RYR3: variants seen among roughly 807,000 people sequenced by gnomAD.
The protein encoded by RYR3 is ryanodine receptor 3, also known as brain ryanodine receptor-calcium release channel.
In RYR3, 207 loss-of-function variants were observed where a neutral mutation model predicts 584.3. The ratio of observed to expected loss-of-function variants is 0.35; its 90% CI spans 0.32 to 0.40. RYR3 has a LOEUF of 0.40. Ranked by LOEUF, RYR3 falls within the 10% of genes least tolerant of loss-of-function variation. RYR3 has a pLI of 1.00. For synonymous variants in RYR3, 2,416 were observed against 2,248.5 expected (o/e 1.07, Z -2.11); for missense variants, 5,616 against 6,089.2 (o/e 0.92, Z 2.59).
At position 33,461,184 on chromosome 15, in the gene RYR3, C is replaced by T. The variant is rs530424138; in HGVS notation, c.52-12235C>T. Among the ~76,000 whole-genome samples, 442 of 151,800 alleles carry T rather than the reference C, an allele frequency of 2.9e-3. 1 individual carries two copies. The highest frequency in any genetic ancestry group is 9.9e-3 in the African/African-American group (411 of 41,388). On this transcript the variant is annotated intron_variant, in intron 1 of 103. Transcript: ENST00000634891. Reference sequence around the variant, plus strand: ...TGGTCTTGATCTCCTGACCTCGTGACCCGCCCGCCTCGGCCTCCCAAAGTG... The same window carrying T: ...TGGTCTTGATCTCCTGACCTCGTGATCCGCCCGCCTCGGCCTCCCAAAGTG...
chr15:33,832,683 G>C (rs1011841552), intron 86 of RYR3, among the ~76,000 whole-genome samples: 4 of 149,332 alleles, frequency 2.7e-5, no homozygotes, highest in African/African-American at 4.9e-5. Context: ...CCCTACATAC[G>C]TATGAGTTCA....
rs779248524 is a variant in RYR3, at chr15:33,696,317, G to A, written c.5960G>A (p.Arg1987Gln). The A allele has an allele frequency of 2.6e-5, 42 of 1,613,806 alleles. No homozygotes were observed. The highest frequency in any genetic ancestry group is 8.0e-5 in the African/African-American group (6 of 74,970). Residue 1987 changes from arginine (R) to glutamine (Q), a missense_variant, in exon 39 of 104, where the codon CGG becomes CAG. Physicochemically the swap from Arg to Gln is conservative, Grantham distance 43. Around this residue, in one of 9 missense-constraint regions of RYR3, gnomAD observed 1,280 missense variants for 1,426.2 expected, o/e 0.90. Transcript: ENST00000634891. ...ELVRMMFNLL[R>Q]RQYDSIGELL... ...GTCCGAATGATGTTCAACCTCCTCC[G>A]GAGGCAGTATGACAGCATTGGGGAG...
Position 33,731,569 on chromosome 15 carries a change from C to T in RYR3, c.7299C>T (p.Ala2433=), listed in dbSNP as rs745791684. The T allele has an allele frequency of 3.7e-6, 6 of 1,613,650 alleles. No individual in the cohort carries two copies. The highest frequency in any genetic ancestry group is 2.2e-5 in the East Asian group (1 of 44,876). Residue 2433 remains alanine (A), a synonymous_variant, in exon 48 of 104, where the codon GCC becomes GCT. Coordinates refer to ENST00000634891, the MANE Select transcript of RYR3 (RefSeq NM_001036.6). ...PLLTRCAPLF[A]GTEHCTSLID... ...TCACAAGATGTGCCCCTCTCTTTGC[C>T]GGAACAGAACACTGCACCTCTCTGA...
intron 60 of RYR3, chr15:33,757,901 A>G (rs1300405015): frequency 8.8e-6 from 3 of 339,490 alleles, no homozygotes; most frequent in African/African-American, 4.1e-5. Context: ...AGCGAGACCA[A>G]CGCAGAAGGA....
At chr15:33,385,777 C>T (rs1263058627) in intron 1 of RYR3, among the ~76,000 whole-genome samples, 1 of 139,500 alleles carries the variant, frequency 7.2e-6, no homozygotes, top group Non-Finnish European at 1.5e-5. Context: ...TATTATGGCT[C>T]ACTGCAACCT....
intron 1 of RYR3, among the ~76,000 whole-genome samples, chr15:33,327,562 G>T (rs1460181815): frequency 6.6e-6 from 1 of 152,206 alleles, no homozygotes; most frequent in African/African-American, 2.4e-5. Context: ...ACTATAACTG[G>T]AAAGTGATTG....
Position 33,864,122 on chromosome 15 carries a change from C to G in RYR3, c.14466-16C>G. On this transcript the variant is annotated splice_polypyrimidine_tract_variant and intron_variant, in intron 102 of 103. Transcript: ENST00000634891. ...TCTTGACCAGAGTATCTAATACTATCTTTTCCTCGTTCCAGGTTCTTTCTG... is the reference window on the plus strand; with the variant it reads ...TCTTGACCAGAGTATCTAATACTATGTTTTCCTCGTTCCAGGTTCTTTCTG... 3 of 1,599,058 alleles carry G rather than the reference C, an allele frequency of 1.9e-6. No homozygotes were observed. The highest frequency in any genetic ancestry group is 2.6e-6 in the Non-Finnish European group (3 of 1,170,774).
chr15:33,347,772 T>A (rs556517839), intron 1 of RYR3, among the ~76,000 whole-genome samples: 18 of 152,192 alleles, frequency 1.2e-4, no homozygotes, highest in African/African-American at 4.3e-4. Flanking sequence ...TTAAACAAAA[T>A]TTGCTTTTAG....
chr15:33,446,774 A>G (rs1184783803), intron 1 of RYR3, among the ~76,000 whole-genome samples: 3 of 152,236 alleles, frequency 2.0e-5, no homozygotes, highest in Non-Finnish European at 2.9e-5. Context: ...AATCTTAATT[A>G]GTTCTGCCAG....
intron 19 of RYR3, among the ~76,000 whole-genome samples, chr15:33,614,753 A>G (rs772952235): frequency 2.0e-5 from 3 of 151,948 alleles, no homozygotes; most frequent in Non-Finnish European, 4.4e-5. Flanking sequence ...GGTTTCAAAT[A>G]TTTCTCCCAG....
intron 16 of RYR3, among the ~76,000 whole-genome samples, chr15:33,592,172 G>A (rs867337605): frequency 4.6e-5 from 7 of 152,308 alleles, no homozygotes; most frequent in Admixed American, 2.0e-4. Flanking sequence ...GTGGCTTAGC[G>A]TAGTCAAAAT....
intron 69 of RYR3, among the ~76,000 whole-genome samples, chr15:33,804,733 C>T (rs1474579329): frequency 6.6e-6 from 1 of 152,214 alleles, no homozygotes; most frequent in Admixed American, 6.5e-5. Flanking sequence ...AGTTGACTCC[C>T]TATTGCCTTT....
intron 19 of RYR3, among the ~76,000 whole-genome samples, chr15:33,620,184 G>A (rs1305106171): frequency 6.6e-6 from 1 of 152,108 alleles, no homozygotes. Context: ...CACCCTGAGC[G>A]AAAGGGCACC....
intron 14 of RYR3, among the ~76,000 whole-genome samples, chr15:33,584,013 C>G (rs2058718961): frequency 7.3e-6 from 1 of 137,560 alleles, no homozygotes; most frequent in African/African-American, 2.7e-5. Context: ...GATTGCACCA[C>G]TGTACTCCAG....
At chr15:33,861,665 T>A (rs1195380913) in intron 102 of RYR3, among the ~76,000 whole-genome samples, 1 of 152,274 alleles carries the variant, frequency 6.6e-6, no homozygotes, top group East Asian at 1.9e-4. Flanking sequence ...CACTACATCA[T>A]AATATTGGGT....
intron 1 of RYR3, among the ~76,000 whole-genome samples, chr15:33,472,747 T>C (rs561680508): frequency 2.2e-4 from 34 of 152,290 alleles, no homozygotes; most frequent in African/African-American, 7.7e-4. Flanking sequence ...GGGATTGATA[T>C]TTAGGAGGGA....
Position 33,636,483 on chromosome 15 carries a change from G to A in RYR3, c.3489G>A (p.Leu1163=), listed in dbSNP as rs750336626. The A allele has an allele frequency of 6.2e-7, 1 of 1,612,772 alleles. No individual in the cohort carries two copies. ...ATGATGCTTCAATGATCTTCACACT[G>A]AATGGGGAGCTGCTGATCACCAACA... is the stretch of plus-strand genomic sequence containing the variant. ...NLDDASMIFT[L]NGELLITNKG... is the part of the protein sequence containing the mutation. The change falls in exon 27 of 104, where the codon CTG becomes CTA. Residue 1163 remains leucine (L), a synonymous_variant. Coordinates refer to ENST00000634891, the MANE Select transcript of RYR3 (RefSeq NM_001036.6).
chr15:33,401,202 T>A (rs1368062748), intron 1 of RYR3, among the ~76,000 whole-genome samples: 2 of 152,216 alleles, frequency 1.3e-5, no homozygotes, highest in African/African-American at 4.8e-5. Context: ...GCAATCATCC[T>A]GAAGGGCAAG....
intron 18 of RYR3, among the ~76,000 whole-genome samples, 185 bp from the exon 19 acceptor site, chr15:33,612,998 T>G (rs115172817): frequency 0.013 from 1,964 of 152,324 alleles, 46 homozygotes; most frequent in African/African-American, 0.044. Flanking sequence ...TAGGAATTCA[T>G]TTCTCATTGC....
Sources: allele counts gnomAD v4.1 joint callset (sites outside exome capture counted in the v4.1 genomes callset), GRCh38; gene constraint gnomAD v4.1.1; regional missense constraint gnomAD v4.1.1; transcripts MANE v1.5; gene names NCBI Gene and HGNC (gene_info 2026-07-23, HGNC 2026-07-21).